Variants in CCT7 observed in about 807,000 individuals in gnomAD.
CCT7 encodes the protein chaperonin containing TCP1 subunit 7.
CCT7 carries 16 observed loss-of-function variants against 56.6 expected under a neutral mutation model. That is an observed-to-expected ratio of 0.28 (90% confidence interval 0.19 to 0.43). The LOEUF (loss-of-function observed/expected upper bound fraction) is 0.43, where lower values mean the gene tolerates loss of function less well. Among genes scored for constraint, CCT7 ranks in the 20% least tolerant of loss-of-function variants. The pLI is 1.00. For missense variants in CCT7, 519 were observed against 685.6 expected, an observed-to-expected ratio of 0.76 and a Z score of 2.71; for synonymous variants, 262 against 254.8, an observed-to-expected ratio of 1.03 and a Z score of -0.27.
At chr2:73,240,181 CTT>C (rs1191798712) in intron 2 of CCT7, 1 of 343,870 alleles carries the variant, frequency 2.9e-6, no homozygotes, top group African/African-American at 2.1e-5. Context: ...TTTAAAAAAT[CTT>C]TTCTGTATCC....
chr2:73,238,378 C>T (rs112923856), intron 1 of CCT7, among the ~76,000 whole-genome samples: 65 of 152,316 alleles, frequency 4.3e-4, no homozygotes, highest in Admixed American at 9.1e-4. Context: ...CCTCCAGCTG[C>T]GCTGGCCAAA....
chr2:73,239,501 T>C, intron 1 of CCT7, 142 bp from the exon 2 acceptor site: 1 of 709,948 alleles, frequency 1.4e-6, no homozygotes, highest in South Asian at 1.9e-5. Flanking sequence ...GGAATGGATG[T>C]GGTAGACAGT....
At chr2:73,241,240 C>A (rs1463163018) in intron 3 of CCT7, among the ~76,000 whole-genome samples, 2 of 151,936 alleles carry the variant, frequency 1.3e-5, no homozygotes, top group Admixed American at 1.3e-4. Context: ...CTTGAAGTTA[C>A]GTTAAAAGGT....
chr2:73,249,668 A>AG (rs1370676055), intron 8 of CCT7, 151 bp from the exon 9 acceptor site: 1 of 642,226 alleles, frequency 1.6e-6, no homozygotes, highest in Non-Finnish European at 2.8e-6. Context: ...TCTTTCAGAG[A>AG]GGGGGAAGGG....
Position 73,248,857 on chromosome 2 carries a change from A to G in CCT7, c.784-134A>G, listed in dbSNP as rs1187830197. ...TATTTGCTTGGACTGAGGAGTAGCT[A>G]TTCTGTTTATCTCTGTTAATTCCCA... On this transcript the variant is annotated intron_variant, in intron 7 of 11. Transcript: ENST00000258091. The G allele has an allele frequency of 2.3e-5, 16 of 694,152 alleles. No individual in the cohort carries two copies. The Admixed American group carries it at 3.8e-4, about 16-fold the overall frequency. 43.0% of individuals were successfully genotyped at this position (694,152 alleles called of 1,614,324 possible). A position where few individuals can be genotyped will look rare whatever the true frequency, so the allele number is the denominator to read the frequency against.
chr2:73,235,592 C>T (rs897514237), intron 1 of CCT7: 21 of 999,604 alleles, frequency 2.1e-5, no homozygotes, highest in Non-Finnish European at 2.4e-5. Context: ...TGTGCAGAGG[C>T]AGCATAGTAC....
rs571913796 is a variant in CCT7, at chr2:73,244,119, C to T, written c.446+70C>T. The T allele has an allele frequency of 1.1e-5, 16 of 1,425,014 alleles. No homozygotes were observed. In the African/African-American group the frequency reaches 2.3e-4, roughly 21 times the overall value. The allele number at this position is 1,425,014 out of a possible 1,614,324, so 88.3% of individuals were successfully genotyped here. A position where few individuals can be genotyped will look rare whatever the true frequency, so the allele number is the denominator to read the frequency against. On this transcript the variant is annotated intron_variant, in intron 5 of 11. Coordinates refer to ENST00000258091, the MANE Select transcript of CCT7 (RefSeq NM_006429.4). ...GCCTTGCTGTATTGCCCAGGCTAGT[C>T]TTGAACTACTGGCTCAAGTGATCTC... is the stretch of plus-strand genomic sequence containing the variant.
chr2:73,246,249 T>G (rs1687331850), intron 6 of CCT7, among the ~76,000 whole-genome samples: 1 of 152,270 alleles, frequency 6.6e-6, no homozygotes, highest in South Asian at 2.1e-4. Flanking sequence ...TTCTTGTGTC[T>G]AACTGCTGTT....
rs1049976580 is a variant in CCT7, at chr2:73,241,399, T to C, written c.267+856T>C. 1.2e-4 allele frequency among the ~76,000 whole-genome samples: 7 copies of C among 59,742 alleles called. 1 individual carries two copies. In the East Asian group the frequency reaches 2.5e-3, roughly 21 times the overall value. 39.2% of individuals were successfully genotyped at this position (59,742 alleles called of 152,430 possible). The stretch of plus-strand genomic sequence containing the variant: ...ACTTAAACCTTCTCTATAGTAACCT[T>C]TTTTTTTTTGCCCCTTGAGAATTTC... On this transcript the variant is annotated intron_variant, in intron 3 of 11. Transcript: ENST00000258091.
chr2:73,251,415 C>T lies in CCT7; in HGVS notation c.1393C>T (p.Arg465Trp), dbSNP rs779471235. The T allele has an allele frequency of 1.5e-6, 2 of 1,352,132 alleles. No homozygotes were observed. The highest frequency in any genetic ancestry group is 2.0e-6 in the Non-Finnish European group (2 of 1,014,050). 83.8% of individuals were successfully genotyped at this position (1,352,132 alleles called of 1,614,324 possible). A position where few individuals can be genotyped will look rare whatever the true frequency, so the allele number is the denominator to read the frequency against. Reference sequence around the variant, plus strand: ...TGCCACAAACATTCTCAACAAGCTGCGGGCTCGGCATGCCCAGGTGGGTCC... The same window carrying T: ...TGCCACAAACATTCTCAACAAGCTGTGGGCTCGGCATGCCCAGGTGGGTCC... ...FDATNILNKLRARHAQGGTWY... is the reference protein window; with the variant it reads ...FDATNILNKLWARHAQGGTWY... The change falls in exon 11 of 12, where the codon CGG becomes TGG. Residue 465 changes from arginine to tryptophan, a missense_variant. By Grantham distance (101) the Arg-to-Trp change is moderately radical. Around this residue, in one of 3 missense-constraint regions of CCT7, gnomAD observed 237 missense variants for 300.8 expected, o/e 0.79. Coordinates refer to ENST00000258091, the MANE Select transcript of CCT7 (RefSeq NM_006429.4).
Position 73,244,062 on chromosome 2 carries a change from T to C in CCT7, c.446+13T>C. On this transcript the variant is annotated intron_variant, in intron 5 of 11. Coordinates refer to ENST00000258091, the MANE Select transcript of CCT7 (RefSeq NM_006429.4). ...AGGCAGATAAAGTGTAAGTCTGTAG[T>C]GGGTTTTTTTTTTTTTTTTTAAAGA... is the stretch of plus-strand genomic sequence containing the variant. The C allele has an allele frequency of 6.4e-7, 1 of 1,564,574 alleles. No individual in the cohort carries two copies. Among genetic ancestry groups the C allele is most frequent in the South Asian group, 1.2e-5 (1 of 84,054 alleles).
chr2:73,247,919 C>T lies in CCT7; in HGVS notation c.776C>T (p.Thr259Ile). 6.2e-7 allele frequency: 1 copy of T among 1,613,706 alleles called. No individual in the cohort carries two copies. The highest frequency in any genetic ancestry group is 1.3e-5 in the African/African-American group (1 of 75,016). ...GACAATGCTGAGATAAGAGTCCACA[C>T]AGTTGAGGTAGGTGGGTTCACCAGT... Reference protein sequence around the residue: ...EKDNAEIRVHTVEDYQAIVDA... With the variant: ...EKDNAEIRVHIVEDYQAIVDA... The change falls in exon 7 of 12, where the codon ACA (threonine) becomes ATA (isoleucine). Residue 259 changes from threonine to isoleucine, a missense_variant. Physicochemically the swap from Thr to Ile is moderately conservative, Grantham distance 89 (BLOSUM62 -1). This residue lies in a region of CCT7 where 276 missense variants were observed against 357.3 expected (regional missense o/e 0.77). Transcript: ENST00000258091.
At chr2:73,240,232 A>C in intron 2 of CCT7, 1 of 401,684 alleles carries the variant, frequency 2.5e-6, no homozygotes, top group Non-Finnish European at 4.4e-6. Flanking sequence ...GAAAATTGGG[A>C]GTCTGTGGTC....
intron 8 of CCT7, 72 bp downstream of exon 8, chr2:73,249,251 CAG>C (rs1687471934): frequency 3.3e-6 from 4 of 1,205,328 alleles, no homozygotes; most frequent in South Asian, 1.5e-5. Context: ...CCTGGTATAA[CAG>C]AGTGTACTGT....
chr2:73,247,407 G>C (rs1687387290), intron 6 of CCT7, among the ~76,000 whole-genome samples: 1 of 151,994 alleles, frequency 6.6e-6, no homozygotes, highest in African/African-American at 2.4e-5. Context: ...TAAACACCTG[G>C]CTCCTCTTCT....
Position 73,244,661 on chromosome 2 carries a change from T to C in CCT7, c.564T>C (p.Asp188=). 1 of 1,613,822 alleles carries C rather than the reference T, an allele frequency of 6.2e-7. No individual in the cohort carries two copies. Among genetic ancestry groups the C allele is most frequent in the Non-Finnish European group, 8.5e-7 (1 of 1,179,794 alleles). ...MVVDAVMMLD[D]LLQLKMIGIK... Reference sequence around the variant, plus strand: ...TGGATGCAGTGATGATGCTCGATGATTTGCTGCAGCTTAAAATGATTGGAA... The same window carrying C: ...TGGATGCAGTGATGATGCTCGATGACTTGCTGCAGCTTAAAATGATTGGAA... The change falls in exon 6 of 12, where the codon GAT becomes GAC. Residue 188 remains aspartate, a synonymous_variant. Transcript: ENST00000258091.
chr2:73,239,732 T>C lies in CCT7; in HGVS notation c.96T>C (p.Ile32=). The change falls in exon 2 of 12, where the codon ATT becomes ATC. Residue 32 remains isoleucine (I), a synonymous_variant. Transcript: ENST00000258091. The part of the protein sequence containing the change: ...LVSNISACQV[I]AEAVRTTLGP... ...GTAACATCAGTGCCTGCCAGGTGAT[T>C]GCTGAGGCTGTAAGAACTACCCTGG... is the stretch of plus-strand genomic sequence containing the variant. The C allele has an allele frequency of 6.2e-7, 1 of 1,613,992 alleles. No homozygotes were observed. The highest frequency in any genetic ancestry group is 8.5e-7 in the Non-Finnish European group (1 of 1,179,880).
At chr2:73,239,252 T>C (rs1687003188) in intron 1 of CCT7, 1 of 162,616 alleles carries the variant, frequency 6.1e-6, no homozygotes, top group Non-Finnish European at 1.3e-5. Context: ...CAAGTGGATG[T>C]TTTGCTGCGG....
intron 7 of CCT7, among the ~76,000 whole-genome samples, chr2:73,248,579 T>A (rs753050147): frequency 2.6e-5 from 4 of 152,170 alleles, no homozygotes; most frequent in Admixed American, 6.5e-5. Flanking sequence ...GGTCTTGAAC[T>A]TCTGACCTCA....
Sources: allele counts gnomAD v4.1 joint callset (sites outside exome capture counted in the v4.1 genomes callset), GRCh38; gene constraint gnomAD v4.1.1; regional missense constraint gnomAD v4.1.1; transcripts MANE v1.5; gene names NCBI Gene and HGNC (gene_info 2026-07-23, HGNC 2026-07-21).